PTGFRN: variants seen among roughly 807,000 people sequenced by gnomAD.
The protein encoded by PTGFRN is prostaglandin F2 receptor negative regulator.
A neutral mutation model predicts 83.2 loss-of-function variants in PTGFRN; 35 were observed. The observed-to-expected ratio is 0.42, with a 90% CI of 0.32 to 0.56. The LOEUF is 0.56. Ranked by LOEUF, PTGFRN falls within the 20% of genes least tolerant of loss-of-function variation. PTGFRN has a pLI of 0.11. For missense variants in PTGFRN, 1,051 were observed against 1,179.5 expected (o/e 0.89, Z 1.60); for synonymous variants, 519 against 498.6 (o/e 1.04, Z -0.55).
Position 116,986,980 on chromosome 1 carries a change from G to A in PTGFRN, c.*13G>A, listed in dbSNP as rs774479583. Reference sequence around the variant, plus strand: ...GGAGATGGACTAGGCTGGCCCGGGAGGGGAGTGACAGAGGGACGTTCTAGG... The same window carrying A: ...GGAGATGGACTAGGCTGGCCCGGGAAGGGAGTGACAGAGGGACGTTCTAGG... On this transcript the variant is annotated 3_prime_UTR_variant, in exon 9 of 9. Coordinates refer to ENST00000393203, the MANE Select transcript of PTGFRN (RefSeq NM_020440.4). 1.9e-6 allele frequency: 3 copies of A among 1,613,928 alleles called. No homozygotes were observed. Among genetic ancestry groups the A allele is most frequent in the East Asian group, 2.2e-5 (1 of 44,876 alleles).
In PTGFRN at chr1:116,918,782, G is replaced by A. The variant is rs558382188; in HGVS notation, c.49+8530G>A. ...TCGTGGCTTTATCCCACCAAGTTTG[G>A]CAGCCTAGGAGGGACAGCATCATGT... On this transcript the variant is annotated intron_variant, in intron 1 of 8. Coordinates refer to ENST00000393203, the MANE Select transcript of PTGFRN (RefSeq NM_020440.4). The surrounding 1 kb of genome is among the most constrained non-coding windows in gnomAD (Gnocchi z 4.1). Among the ~76,000 whole-genome samples the A allele has an allele frequency of 1.3e-5, 2 of 152,312 alleles. No homozygotes were observed. The highest frequency in any genetic ancestry group is 4.1e-4 in the South Asian group (2 of 4,828).
chr1:116,910,635 C>G (rs1448468269), intron 1 of PTGFRN, among the ~76,000 whole-genome samples: 1 of 151,976 alleles, frequency 6.6e-6, no homozygotes, highest in East Asian at 1.9e-4. Context: ...GGGTCCTCGG[C>G]TCGAGAGCGG....
rs781414549 is a variant in PTGFRN, at chr1:116,961,511, T to C, written c.1482T>C (p.His494=). ...GAGACTTTATTTTTTCTAAGGAACATACAGACACGTTCAATTTCCGGATCC... is the reference window on the plus strand; with the variant it reads ...GAGACTTTATTTTTTCTAAGGAACACACAGACACGTTCAATTTCCGGATCC... ...QDGDFIFSKE[H]TDTFNFRIQR... is the part of the protein sequence containing the mutation. Residue 494 remains histidine, a synonymous_variant, in exon 5 of 9, where the codon CAT becomes CAC. Coordinates refer to ENST00000393203, the MANE Select transcript of PTGFRN (RefSeq NM_020440.4). The surrounding 1 kb of genome is among the most constrained non-coding windows in gnomAD (Gnocchi z 5.4). The C allele has an allele frequency of 6.2e-7, 1 of 1,614,060 alleles. No individual in the cohort carries two copies. Among genetic ancestry groups the C allele is most frequent in the Non-Finnish European group, 8.5e-7 (1 of 1,180,032 alleles).
chr1:116,922,295 A>T (rs899205270), intron 1 of PTGFRN, among the ~76,000 whole-genome samples: 5 of 152,204 alleles, frequency 3.3e-5, no homozygotes, highest in African/African-American at 7.2e-5. Flanking sequence ...CCCCCCAGAT[A>T]GTTTATCAGA....
intron 1 of PTGFRN, among the ~76,000 whole-genome samples, chr1:116,910,685 GGC>G (rs1020431094): frequency 3.3e-5 from 5 of 152,062 alleles, no homozygotes; most frequent in African/African-American, 1.2e-4. Flanking sequence ...AGCCGCCGCC[GGC>G]CGGGTCGCTC....
rs773707088 is a variant in PTGFRN, at chr1:116,967,084, A to G, written c.1813A>G (p.Ile605Val). Reference protein sequence around the residue: ...DLSSPNETKYIISLDQDSVVK... With the variant: ...DLSSPNETKYVISLDQDSVVK... ...CTCCAGTCCCAATGAAACGAAGTAC[A>G]TCATCTCTCTGGACCAGGATTCTGT... Residue 605 changes from isoleucine to valine, a missense_variant, in exon 6 of 9, where the codon ATC becomes GTC. Transcript: ENST00000393203. 6 of 1,614,234 alleles carry G rather than the reference A, an allele frequency of 3.7e-6. No homozygotes were observed. Among genetic ancestry groups the G allele is most frequent in the East Asian group, 4.5e-5 (2 of 44,888 alleles).
At chr1:116,979,140 A>C (rs2101088927) in intron 7 of PTGFRN, among the ~76,000 whole-genome samples, 1 of 152,272 alleles carries the variant, frequency 6.6e-6, no homozygotes, top group East Asian at 1.9e-4. Context: ...AGAGAATAAA[A>C]TACCTAGGAA....
At chr1:116,913,989 A>G (rs1458511890) in intron 1 of PTGFRN, among the ~76,000 whole-genome samples, 2 of 152,236 alleles carry the variant, frequency 1.3e-5, no homozygotes, top group African/African-American at 2.4e-5. Context: ...CAAATGATAT[A>G]AAAGGACTTT....
intron 1 of PTGFRN, among the ~76,000 whole-genome samples, chr1:116,937,533 C>T (rs1649951349): frequency 6.6e-6 from 1 of 152,122 alleles, no homozygotes; most frequent in African/African-American, 2.4e-5. Flanking sequence ...AAGACTTGAT[C>T]AGTGAAGGGA....
chr1:116,960,981 A>G (rs953976301), intron 4 of PTGFRN, among the ~76,000 whole-genome samples: 1 of 152,140 alleles, frequency 6.6e-6, no homozygotes, highest in African/African-American at 2.4e-5. Flanking sequence ...GGAAGGATCA[A>G]GATTCTGGCC....
At chr1:116,911,616 C>T (rs529308799) in intron 1 of PTGFRN, among the ~76,000 whole-genome samples, 1 of 152,338 alleles carries the variant, frequency 6.6e-6, no homozygotes, top group Admixed American at 6.5e-5. Flanking sequence ...AGTTTTATGG[C>T]ATCTTTTCTA....
At position 116,958,803 on chromosome 1, in the gene PTGFRN, C is replaced by G. The variant is rs559549395; in HGVS notation, c.1214-2440C>G. 1.9e-4 allele frequency among the ~76,000 whole-genome samples: 29 copies of G among 152,310 alleles called. No homozygotes were observed. The highest frequency in any genetic ancestry group is 3.1e-4 in the Non-Finnish European group (21 of 68,038). The stretch of plus-strand genomic sequence containing the variant: ...GGCTCCAGACCTCAGCTCCTCACCA[C>G]TGTTCTCTGCTGCCTCACAGTTTGC... On this transcript the variant is annotated intron_variant, in intron 4 of 8. Coordinates refer to ENST00000393203, the MANE Select transcript of PTGFRN (RefSeq NM_020440.4). This position sits in a 1 kb window ranked among gnomAD's most constrained non-coding sequence, Gnocchi z 4.9.
chr1:116,987,640 A>G lies in PTGFRN; in HGVS notation c.*673A>G, dbSNP rs1019623461. ...TTTTGTATTTGTTTTCTGTGAGAGCACTGAAATGGCAGCCCTGGAATCTAC... is the reference window on the plus strand; with the variant it reads ...TTTTGTATTTGTTTTCTGTGAGAGCGCTGAAATGGCAGCCCTGGAATCTAC... On this transcript the variant is annotated 3_prime_UTR_variant, in exon 9 of 9. Transcript: ENST00000393203. 2 of 146,210 alleles carry G rather than the reference A, an allele frequency of 1.4e-5. No homozygotes were observed. Among genetic ancestry groups the G allele is most frequent in the Non-Finnish European group, 3.0e-5 (2 of 67,396 alleles). The allele number at this position is 146,210 out of a possible 1,614,324, so 9.1% of individuals were successfully genotyped here.
intron 6 of PTGFRN, among the ~76,000 whole-genome samples, chr1:116,971,347 C>T (rs1650988344): frequency 6.6e-6 from 1 of 152,100 alleles, no homozygotes; most frequent in African/African-American, 2.4e-5. Flanking sequence ...AAAAAAACTG[C>T]CACTAACAGC....
intron 1 of PTGFRN, among the ~76,000 whole-genome samples, chr1:116,927,690 T>C (rs2247145): frequency 0.16 from 24,473 of 151,660 alleles, 4,160 homozygotes; most frequent in African/African-American, 0.43. Flanking sequence ...CATGCCACCA[T>C]GCCCAGCTAA....
intron 7 of PTGFRN, among the ~76,000 whole-genome samples, chr1:116,978,100 C>G (rs1162480938): frequency 6.6e-6 from 1 of 152,142 alleles, no homozygotes; most frequent in Non-Finnish European, 1.5e-5. Context: ...AATACCTCTA[C>G]GCAAATAAAC....
chr1:116,983,831 T>C (rs1298544568), intron 7 of PTGFRN, among the ~76,000 whole-genome samples: 2 of 152,196 alleles, frequency 1.3e-5, no homozygotes, highest in African/African-American at 2.4e-5. Context: ...CTGTTGTCTT[T>C]TGTTGCTGGA....
chr1:116,984,527 T>A (rs1467025151), intron 7 of PTGFRN, among the ~76,000 whole-genome samples, 153 bp from the exon 8 acceptor site: 1 of 152,188 alleles, frequency 6.6e-6, no homozygotes, highest in Non-Finnish European at 1.5e-5. Flanking sequence ...TGATAGTGCC[T>A]TCATCATAGG....
chr1:116,910,425 C>G (rs1249808421), intron 1 of PTGFRN, among the ~76,000 whole-genome samples, 173 bp downstream of exon 1: 1 of 150,288 alleles, frequency 6.7e-6, no homozygotes, highest in Non-Finnish European at 1.5e-5. Context: ...GCCGCGGGGC[C>G]GCCCGGAGCC....
Sources: allele counts gnomAD v4.1 joint callset (sites outside exome capture counted in the v4.1 genomes callset), GRCh38; gene constraint gnomAD v4.1.1; non-coding constraint Gnocchi (gnomAD v3.1); transcripts MANE v1.5; gene names NCBI Gene and HGNC (gene_info 2026-07-23, HGNC 2026-07-21).